CDH8: variants seen among roughly 807,000 people sequenced by gnomAD.
The protein encoded by CDH8 is cadherin-8.
A neutral mutation model predicts 68.1 loss-of-function variants in CDH8; 17 were observed. The observed-to-expected ratio is 0.25, with a 90% confidence interval of 0.17 to 0.37. CDH8 has a LOEUF of 0.37. Among genes scored for constraint, CDH8 ranks in the 10% least tolerant of loss-of-function variants. The pLI is 1.00. For missense variants in CDH8, 763 were observed against 999.3 expected, an observed-to-expected ratio of 0.76 and a Z score of 3.19; for synonymous variants, 372 against 365.1, an observed-to-expected ratio of 1.02 and a Z score of -0.21.
chr16:61,655,167 C>T (rs940504754), intron 11 of CDH8, among the ~76,000 whole-genome samples: 1 of 152,118 alleles, frequency 6.6e-6, no homozygotes, highest in Admixed American at 6.5e-5. Flanking sequence ...TCTTCTTATG[C>T]ACTAGATGGT....
chr16:61,747,392 A>G (rs997672290), intron 8 of CDH8, among the ~76,000 whole-genome samples: 2 of 152,162 alleles, frequency 1.3e-5, no homozygotes, highest in East Asian at 3.9e-4. Context: ...ATGATGTGCT[A>G]GCTTCAAAAA....
chr16:61,953,161 A>G (rs1964923758), intron 2 of CDH8, among the ~76,000 whole-genome samples: 1 of 152,170 alleles, frequency 6.6e-6, no homozygotes, highest in Admixed American at 6.5e-5. Context: ...AAAGTAACCC[A>G]TAACCAGACA....
intron 10 of CDH8, among the ~76,000 whole-genome samples, chr16:61,697,126 T>C (rs1412861295): frequency 6.6e-6 from 1 of 152,130 alleles, no homozygotes; most frequent in Non-Finnish European, 1.5e-5. Context: ...AAAGATTGAT[T>C]TACCTCTGGG....
At chr16:61,831,520 T>A (rs975411298) in intron 4 of CDH8, among the ~76,000 whole-genome samples, 1 of 151,860 alleles carries the variant, frequency 6.6e-6, no homozygotes, top group Non-Finnish European at 1.5e-5. Context: ...CTGTTTCTTA[T>A]GTCTCATCAT....
chr16:61,903,493 T>G (rs905685388), intron 2 of CDH8, among the ~76,000 whole-genome samples: 13 of 152,036 alleles, frequency 8.6e-5, no homozygotes, highest in Admixed American at 8.5e-4. Context: ...CCGGCTAATT[T>G]TTTGTATTTT....
At position 61,651,386 on chromosome 16, in the gene CDH8, C is replaced by G. The variant is rs1010502220; in HGVS notation, c.*2222G>C. On this transcript the variant is annotated 3_prime_UTR_variant, in exon 12 of 12. Coordinates refer to ENST00000577390, the MANE Select transcript of CDH8 (RefSeq NM_001796.5). ...TAATACGCATAAAAGATGACTTATT[C>G]TCAGCAACAGAAACTCAATAAAAAG... 6.6e-6 allele frequency: 1 copy of G among 152,124 alleles called. No homozygotes were observed. The highest frequency in any genetic ancestry group is 2.4e-5 in the African/African-American group (1 of 41,430). 9.4% of individuals were successfully genotyped at this position (152,124 alleles called of 1,614,324 possible). A position where few individuals can be genotyped will look rare whatever the true frequency, so the allele number is the denominator to read the frequency against.
chr16:61,766,680 CT>C (rs1960603849), intron 8 of CDH8, among the ~76,000 whole-genome samples: 1 of 150,830 alleles, frequency 6.6e-6, no homozygotes, highest in African/African-American at 2.5e-5. Context: ...TTGTTTTTAA[CT>C]TTTTAATAAT....
chr16:61,670,544 T>C (rs4784147), intron 10 of CDH8, among the ~76,000 whole-genome samples: 1 of 151,874 alleles, frequency 6.6e-6, no homozygotes, highest in East Asian at 1.9e-4. Flanking sequence ...ATTTTAAAAA[T>C]TTTAAAAATT....
At chr16:61,801,200 T>C (rs537430086) in intron 7 of CDH8, among the ~76,000 whole-genome samples, 5 of 152,338 alleles carry the variant, frequency 3.3e-5, no homozygotes, top group African/African-American at 1.2e-4. Context: ...CTTAGATCAC[T>C]AGTTTTAAAA....
At chr16:61,913,760 C>T (rs1343619340) in intron 2 of CDH8, among the ~76,000 whole-genome samples, 1 of 152,058 alleles carries the variant, frequency 6.6e-6, no homozygotes, top group African/African-American at 2.4e-5. Context: ...ATAGATCTTT[C>T]ACACATAAAT....
intron 10 of CDH8, among the ~76,000 whole-genome samples, chr16:61,708,306 G>A (rs1302151952): frequency 6.6e-6 from 1 of 152,062 alleles, no homozygotes; most frequent in Non-Finnish European, 1.5e-5. Context: ...TAAAATCTAT[G>A]CTATGTATCT....
chr16:61,706,968 A>C (rs913876274), intron 10 of CDH8, among the ~76,000 whole-genome samples: 2 of 152,188 alleles, frequency 1.3e-5, no homozygotes, highest in Non-Finnish European at 2.9e-5. Context: ...TTCTTTGATT[A>C]GGTTACTGTA....
chr16:61,899,838 AC>A (rs1172070890), intron 3 of CDH8, among the ~76,000 whole-genome samples: 1 of 140,248 alleles, frequency 7.1e-6, no homozygotes, highest in African/African-American at 3.1e-5. Flanking sequence ...AAAGACACAC[AC>A]ACACACACAC....
rs534420775 is a variant in CDH8, at chr16:61,652,572, C to T, written c.*1036G>A. Reference sequence around the variant, plus strand: ...CTAAAGAGACTATTAGCTCTCCTTTCGATAATATTGCCTGCCATACTCATC... The same window carrying T: ...CTAAAGAGACTATTAGCTCTCCTTTTGATAATATTGCCTGCCATACTCATC... On this transcript the variant is annotated 3_prime_UTR_variant, in exon 12 of 12. Transcript: ENST00000577390. 91 of 1,060,464 alleles carry T rather than the reference C, an allele frequency of 8.6e-5. No homozygotes were observed. The highest frequency in any genetic ancestry group is 4.1e-4 in the Middle Eastern group (1 of 2,454). 65.7% of individuals were successfully genotyped at this position (1,060,464 alleles called of 1,614,324 possible).
intron 2 of CDH8, among the ~76,000 whole-genome samples, chr16:61,959,925 G>T (rs1369355389): frequency 1.5e-5 from 2 of 136,202 alleles, no homozygotes; most frequent in Admixed American, 1.5e-4. Flanking sequence ...ACAGAGGGAG[G>T]ATATGGTCAT....
At chr16:61,839,149 C>T (rs1962631664) in intron 4 of CDH8, among the ~76,000 whole-genome samples, 1 of 152,118 alleles carries the variant, frequency 6.6e-6, no homozygotes, top group Non-Finnish European at 1.5e-5. Context: ...CCATAAAACA[C>T]ATCAAAATGC....
intron 1 of CDH8, among the ~76,000 whole-genome samples, chr16:62,035,543 G>T (rs1188782341): frequency 6.6e-6 from 1 of 152,188 alleles, no homozygotes; most frequent in African/African-American, 2.4e-5. Context: ...GCTGAGCCTT[G>T]GCCCGCAGCC....
rs116455674 is a variant in CDH8 at position 61,983,195 on chromosome 16, T to G, written c.252+37957A>C. Among the ~76,000 whole-genome samples the G allele has an allele frequency of 2.2e-3, 341 of 152,322 alleles. 1 individual carries two copies. Among genetic ancestry groups the G allele is most frequent in the African/African-American group, 7.4e-3 (306 of 41,580 alleles). On this transcript the variant is annotated intron_variant, in intron 2 of 11. Coordinates refer to ENST00000577390, the MANE Select transcript of CDH8 (RefSeq NM_001796.5). ...ATATTTAAAATGGTTTTTCTTTCTT[T>G]AGAGTTTAACCTCATGTGTACTTTT...
chr16:61,763,554 T>C (rs953198235), intron 8 of CDH8, among the ~76,000 whole-genome samples: 3 of 152,198 alleles, frequency 2.0e-5, no homozygotes, highest in Non-Finnish European at 4.4e-5. Context: ...TCTCTGATTG[T>C]CCTGGATAGG....
Sources: allele counts gnomAD v4.1 joint callset (sites outside exome capture counted in the v4.1 genomes callset), GRCh38; gene constraint gnomAD v4.1.1; transcripts MANE v1.5; gene names NCBI Gene and HGNC (gene_info 2026-07-23, HGNC 2026-07-21).